FGF13: variants seen among roughly 807,000 people sequenced by gnomAD.
FGF13 encodes the protein fibroblast growth factor homologous factor 2.
FGF13 carries 2 observed loss-of-function variants against 19.5 expected under a neutral mutation model. That is an observed-to-expected ratio of 0.10 (90% CI 0.04 to 0.32). The LOEUF is 0.32. Ranked by LOEUF, FGF13 falls within the 10% of genes least tolerant of loss-of-function variation. The pLI, the probability that FGF13 is intolerant of heterozygous loss-of-function variation, is 1.00. For missense variants in FGF13, 113 were observed against 192.7 expected (o/e 0.59, Z 2.45); for synonymous variants, 72 against 76.9 (o/e 0.94, Z 0.33).
chrX:138,894,046 A>C (rs770382541), intron 1 of FGF13, among the ~76,000 whole-genome samples: 17 of 112,060 alleles, frequency 1.5e-4, no homozygotes, highest in African/African-American at 5.2e-4. Flanking sequence ...CTGTGGTATT[A>C]TATGAGCCGA....
At chrX:138,849,189 G>T (rs781000615) in intron 3 of FGF13, among the ~76,000 whole-genome samples, 93 of 111,500 alleles carry the variant, frequency 8.3e-4, no homozygotes, top group African/African-American at 2.9e-3. Context: ...CAGTAAAAGG[G>T]TCCAGTAGCT....
intron 1 of FGF13, among the ~76,000 whole-genome samples, chrX:139,110,150 C>A (rs1427047773): frequency 2.7e-5 from 3 of 109,428 alleles, no homozygotes; most frequent in Non-Finnish European, 5.7e-5. Context: ...ATTTATATTT[C>A]AAATATTTAT....
At chrX:138,956,920 T>C (rs2091843906) in intron 1 of FGF13, among the ~76,000 whole-genome samples, 1 of 111,790 alleles carries the variant, frequency 8.9e-6, no homozygotes, top group African/African-American at 3.2e-5. Flanking sequence ...TACACATTTC[T>C]GGAAGAAGTG....
chrX:138,924,045 G>A (rs2091659653), intron 1 of FGF13, among the ~76,000 whole-genome samples: 1 of 111,920 alleles, frequency 8.9e-6, no homozygotes, highest in Admixed American at 9.5e-5. Context: ...TGTTGCAAAT[G>A]GAAAGTTCCT....
In FGF13 at chrX:139,129,587, C is replaced by A. The variant is rs1283722079; in HGVS notation, c.-113+73829G>T. 3.6e-5 allele frequency among the ~76,000 whole-genome samples: 4 copies of A among 111,268 alleles called. No individual in the cohort carries two copies. The Admixed American group carries it at 3.9e-4, about 11-fold the overall frequency. ...CAGATCTCTTGCGTCTGAAAAGACC[C>A]AAAGCAGCAAAAGAAAGCTAGGAGA... is the stretch of plus-strand genomic sequence containing the variant. On this transcript the variant is annotated intron_variant, in intron 1 of 2. Coordinates refer to the FGF13 transcript ENST00000421460.
At chrX:138,801,803 G>A (rs760036625) in intron 3 of FGF13, among the ~76,000 whole-genome samples, 14 of 112,436 alleles carry the variant, frequency 1.2e-4, no homozygotes, top group African/African-American at 3.5e-4. Flanking sequence ...AATCTAGAGA[G>A]GCAGTCTGTC....
At chrX:139,048,841 TG>T (rs1331162964) in intron 1 of FGF13, among the ~76,000 whole-genome samples, 1 of 111,056 alleles carries the variant, frequency 9.0e-6, no homozygotes, top group African/African-American at 3.3e-5. Flanking sequence ...AGATATATAG[TG>T]GTACTGTATG....
At chrX:138,874,235 C>T (rs746727796) in intron 1 of FGF13, among the ~76,000 whole-genome samples, 4 of 107,079 alleles carry the variant, frequency 3.7e-5, no homozygotes, top group African/African-American at 1.4e-4. Flanking sequence ...CAGCTCTCTG[C>T]GTCTTCCTTA....
intron 3 of FGF13, among the ~76,000 whole-genome samples, chrX:138,685,948 G>C (rs2089777881): frequency 9.1e-6 from 1 of 109,533 alleles, no homozygotes; most frequent in South Asian, 4.0e-4. Context: ...TAAATGAAAT[G>C]CTGTTTGTGA....
At chrX:138,730,999 T>C (rs2090226162) in intron 1 of FGF13, among the ~76,000 whole-genome samples, 1 of 111,483 alleles carries the variant, frequency 9.0e-6, no homozygotes. Context: ...AATTATAAAA[T>C]GGTCAATTAA....
upstream of FGF13, chrX:139,204,336 C>T (rs935932975): frequency 6.4e-6 from 2 of 314,708 alleles, no homozygotes; most frequent in Admixed American, 1.2e-4. Flanking sequence ...CCGCCGCCGC[C>T]GCGATCCCGA....
At chrX:139,030,571 T>G (rs1330385402) in intron 1 of FGF13, among the ~76,000 whole-genome samples, 1 of 111,668 alleles carries the variant, frequency 9.0e-6, no homozygotes, top group Non-Finnish European at 1.9e-5. Context: ...GATAGATCTC[T>G]TCTGCAATTG....
chrX:139,071,964 C>T (rs926700074), intron 1 of FGF13, among the ~76,000 whole-genome samples: 11 of 84,950 alleles, frequency 1.3e-4, no homozygotes, highest in Non-Finnish European at 1.9e-4. Context: ...TGCAGTGAAC[C>T]GAGATTGTGC....
At chrX:138,636,522 G>C (rs1387860334) in intron 3 of FGF13, among the ~76,000 whole-genome samples, 1 of 111,971 alleles carries the variant, frequency 8.9e-6, no homozygotes, top group Non-Finnish European at 1.9e-5. Flanking sequence ...GAGTGTACAC[G>C]TGTCTATGTG....
intron 1 of FGF13, among the ~76,000 whole-genome samples, chrX:139,052,819 TTTTA>T (rs1415519454): frequency 3.6e-5 from 4 of 111,643 alleles, no homozygotes; most frequent in African/African-American, 1.3e-4. Flanking sequence ...CTATATTTTA[TTTTA>T]TTTTTATTTA....
intron 3 of FGF13, among the ~76,000 whole-genome samples, chrX:138,668,561 A>G (rs2089578554): frequency 1.8e-5 from 2 of 109,867 alleles, no homozygotes; most frequent in Non-Finnish European, 3.8e-5. Context: ...AATGTGCAGC[A>G]GCCATTTGTA....
At chrX:138,715,193 A>G (rs754178054), upstream of FGF13, among the ~76,000 whole-genome samples, 5 of 111,933 alleles carry the variant, frequency 4.5e-5, no homozygotes, top group Non-Finnish European at 7.5e-5. Context: ...AAGCATTCTT[A>G]GCTTTTTTTT....
chrX:139,120,352 T>C (rs1039158317), intron 1 of FGF13, among the ~76,000 whole-genome samples: 4 of 112,243 alleles, frequency 3.6e-5, no homozygotes, highest in African/African-American at 9.7e-5. Flanking sequence ...AATCACTGTA[T>C]TGTATTACCT....
At chrX:139,092,126 A>C (rs2083443182) in intron 1 of FGF13, among the ~76,000 whole-genome samples, 1 of 111,486 alleles carries the variant, frequency 9.0e-6, no homozygotes, top group Admixed American at 9.5e-5. Context: ...AGAGGAAAGG[A>C]GGGGTGGCTG....
Sources: allele counts gnomAD v4.1 joint callset (sites outside exome capture counted in the v4.1 genomes callset), GRCh38; gene constraint gnomAD v4.1.1; transcripts MANE v1.5; gene names NCBI Gene and HGNC (gene_info 2026-07-23, HGNC 2026-07-21).